The following CIT variants were observed in gnomAD, a reference collection of about 807,000 sequenced individuals.
CIT encodes the protein citron rho-interacting serine/threonine kinase, also known as citron Rho-interacting kinase.
A neutral mutation model predicts 272.7 loss-of-function variants in CIT; 79 were observed. The ratio of observed to expected loss-of-function variants is 0.29; its 90% CI spans 0.24 to 0.35. The LOEUF (loss-of-function observed/expected upper bound fraction) is 0.35. Ranked by LOEUF, CIT falls within the 10% of genes least tolerant of loss-of-function variation. The probability of loss-of-function intolerance (pLI) is 1.00; values close to 1 mark genes in which losing one functional copy is unlikely to be tolerated. For missense variants in CIT, 1,909 were observed against 2,618.3 expected (o/e 0.73, Z 5.91); for synonymous variants, 948 against 995.6 (o/e 0.95, Z 0.90).
Position 119,768,601 on chromosome 12 carries a change from A to C in CIT, c.2209-1419T>G, listed in dbSNP as rs1962736000. 2.6e-5 allele frequency among the ~76,000 whole-genome samples: 4 copies of C among 152,326 alleles called. No individual in the cohort carries two copies. The South Asian group carries it at 8.3e-4, about 32-fold the overall frequency. On this transcript the variant is annotated intron_variant, in intron 18 of 47. Coordinates refer to ENST00000392521, the MANE Select transcript of CIT (RefSeq NM_001206999.2). This position sits in a 1 kb window ranked among gnomAD's most constrained non-coding sequence, Gnocchi z 4.3. ...GTCTCCAAGCATTGGCTTTGCTCTG[A>C]GGGCAATTAAAGTTCAATCTTAAGA...
At chr12:119,749,929 G>A (rs1469348281) in intron 23 of CIT, among the ~76,000 whole-genome samples, 1 of 152,074 alleles carries the variant, frequency 6.6e-6, no homozygotes, top group Non-Finnish European at 1.5e-5. Context: ...TCCAAACAGG[G>A]CCAGGATAAG....
At chr12:119,782,788 C>T (rs889397666) in intron 12 of CIT, 151 bp from the exon 13 acceptor site, 13 of 828,016 alleles carry the variant, frequency 1.6e-5, no homozygotes, top group African/African-American at 8.6e-5. Context: ...TTGCCGACTC[C>T]GGTTTCCATC....
Position 119,713,647 on chromosome 12 carries a change from T to C in CIT, c.4308A>G (p.Glu1436=), listed in dbSNP as rs1187198430. Residue 1436 remains glutamate, a splice_region_variant and synonymous_variant, in exon 34 of 48, where the codon GAA becomes GAG. Coordinates refer to ENST00000392521, the MANE Select transcript of CIT (RefSeq NM_001206999.2). The surrounding 1 kb of genome is among the most constrained non-coding windows in gnomAD (Gnocchi z 5.2). Reference sequence around the variant, plus strand: ...ACTTGGGGTGACACATCACCTGACATTCTAGGGAAGAACAGTGAGCAACCT... The same window carrying C: ...ACTTGGGGTGACACATCACCTGACACTCTAGGGAAGAACAGTGAGCAACCT... ...HFGRQASKCL[E]CQVMCHPKCS... The C allele has an allele frequency of 4.3e-6, 7 of 1,614,080 alleles. No individual in the cohort carries two copies. Among genetic ancestry groups the C allele is most frequent in the African/African-American group, 4.0e-5 (3 of 74,940 alleles).
At chr12:119,857,292 C>T (rs1219644450) in intron 4 of CIT, among the ~76,000 whole-genome samples, 3 of 152,088 alleles carry the variant, frequency 2.0e-5, no homozygotes, top group Admixed American at 6.6e-5. Context: ...TAAATTACAA[C>T]GATAGAAACA....
chr12:119,812,353 T>A (rs1439926659), intron 9 of CIT, among the ~76,000 whole-genome samples: 1 of 152,142 alleles, frequency 6.6e-6, no homozygotes, highest in Non-Finnish European at 1.5e-5. Context: ...ATGAATTACG[T>A]ACACCCAATA....
At chr12:119,692,781 A>G (rs1956028075) in intron 46 of CIT, among the ~76,000 whole-genome samples, 1 of 152,226 alleles carries the variant, frequency 6.6e-6, no homozygotes, top group African/African-American at 2.4e-5. Flanking sequence ...TTCATAGTGA[A>G]TAGTTTCATG....
At chr12:119,841,854 A>AT (rs1969431963) in intron 5 of CIT, among the ~76,000 whole-genome samples, 1 of 152,258 alleles carries the variant, frequency 6.6e-6, no homozygotes, top group African/African-American at 2.4e-5. Flanking sequence ...GAATTAACAC[A>AT]TACAGCAGAG....
chr12:119,817,577 CCCA>C (rs1419431901), intron 9 of CIT, among the ~76,000 whole-genome samples: 1 of 152,072 alleles, frequency 6.6e-6, no homozygotes, highest in African/African-American at 2.4e-5. Context: ...CATTAAACTT[CCCA>C]CCATTTGGAG....
intron 24 of CIT, among the ~76,000 whole-genome samples, chr12:119,738,886 G>GA (rs34799621): frequency 7.6e-4 from 93 of 121,866 alleles, no homozygotes; most frequent in South Asian, 7.1e-3. Flanking sequence ...TCAATCTCCA[G>GA]AAAAAAAAAA....
chr12:119,816,563 T>C (rs1329766959), intron 9 of CIT, among the ~76,000 whole-genome samples: 1 of 152,168 alleles, frequency 6.6e-6, no homozygotes, highest in Admixed American at 6.5e-5. Flanking sequence ...TGGGGATCCT[T>C]ATTAAAATGC....
At chr12:119,851,702 T>C (rs1477479489) in intron 4 of CIT, among the ~76,000 whole-genome samples, 1 of 152,212 alleles carries the variant, frequency 6.6e-6, no homozygotes, top group African/African-American at 2.4e-5. Context: ...ATATAAAATA[T>C]TTCCATCACT....
chr12:119,759,509 A>C (rs1178427986), intron 20 of CIT, among the ~76,000 whole-genome samples: 1 of 152,122 alleles, frequency 6.6e-6, no homozygotes, highest in African/African-American at 2.4e-5. Flanking sequence ...AGCCAGGTGC[A>C]GTGGCACATG....
At chr12:119,720,339 T>C (rs1957759967) in intron 30 of CIT, 139 bp downstream of exon 30, 4 of 631,192 alleles carry the variant, frequency 6.3e-6, no homozygotes, top group Non-Finnish European at 1.1e-5. Context: ...AATCTATTTT[T>C]CAACCCAAAA....
At chr12:119,761,281 T>C (rs1325894136) in intron 19 of CIT, among the ~76,000 whole-genome samples, 1 of 152,134 alleles carries the variant, frequency 6.6e-6, no homozygotes, top group African/African-American at 2.4e-5. Flanking sequence ...ACAGGTTGAC[T>C]TGAACCAAGA....
In CIT at chr12:119,718,707, C is replaced by T. The variant is rs924643213; in HGVS notation, c.3995G>A (p.Arg1332Gln). The T allele has an allele frequency of 6.2e-6, 10 of 1,613,148 alleles. No individual in the cohort carries two copies. Among genetic ancestry groups the T allele is most frequent in the African/African-American group, 2.7e-5 (2 of 74,882 alleles). The change falls in exon 31 of 48, where the codon CGG becomes CAG. Residue 1332 changes from arginine to glutamine, a missense_variant. This residue lies in a region of CIT where 780 missense variants were observed against 1,067.2 expected (regional missense o/e 0.73). Transcript: ENST00000392521. The surrounding 1 kb of genome is among the most constrained non-coding windows in gnomAD (Gnocchi z 4.8). ...AGAGAGTGAGCCCCTACCTTCCTCCCGGGCGGACCGGAGCTCGATGCGGGT... is the reference window on the plus strand; with the variant it reads ...AGAGAGTGAGCCCCTACCTTCCTCCTGGGCGGACCGGAGCTCGATGCGGGT... ...QKTRIELRSA[R>Q]EEAAHRKATD... is the part of the protein sequence containing the mutation.
chr12:119,834,713 T>C (rs1274448446), intron 5 of CIT, among the ~76,000 whole-genome samples: 1 of 152,224 alleles, frequency 6.6e-6, no homozygotes, highest in Non-Finnish European at 1.5e-5. Context: ...AAAATTTAAA[T>C]GTGAAAATAT....
At chr12:119,704,578 G>C (rs547236669) in intron 40 of CIT, 123 bp from the exon 41 acceptor site, 5 of 834,044 alleles carry the variant, frequency 6.0e-6, no homozygotes, top group Admixed American at 2.2e-5. Flanking sequence ...TCTGTGTGGT[G>C]GGGGGAGGGC....
intron 4 of CIT, 30 bp from the exon 5 acceptor site, chr12:119,850,305 T>G: frequency 2.1e-6 from 3 of 1,402,058 alleles, no homozygotes; most frequent in Non-Finnish European, 3.0e-6. Flanking sequence ...CTTAGACAAT[T>G]ATAAAGAACT....
chr12:119,756,286 A>G (rs1407583858), intron 22 of CIT, among the ~76,000 whole-genome samples: 1 of 152,212 alleles, frequency 6.6e-6, no homozygotes, highest in East Asian at 1.9e-4. Context: ...GGAACGAAAC[A>G]CAGGAACGAA....
Sources: allele counts gnomAD v4.1 joint callset (sites outside exome capture counted in the v4.1 genomes callset), GRCh38; gene constraint gnomAD v4.1.1; regional missense constraint gnomAD v4.1.1; non-coding constraint Gnocchi (gnomAD v3.1); transcripts MANE v1.5; gene names NCBI Gene and HGNC (gene_info 2026-07-23, HGNC 2026-07-21).